The following UTS2B variants were observed in gnomAD, a reference collection of about 807,000 sequenced individuals.
UTS2B encodes the protein urotensin-2B.
In UTS2B, 21 loss-of-function variants were observed where a neutral mutation model predicts 19.2. The observed-to-expected ratio is 1.09, with a 90% CI of 0.78 to 1.58. The LOEUF (loss-of-function observed/expected upper bound fraction) is 1.58, where lower values mean the gene tolerates loss of function less well. Among genes scored for constraint, UTS2B ranks in the 40% most tolerant of loss-of-function variants. The pLI, the probability that UTS2B is intolerant of heterozygous loss-of-function variation, is 0.00. For missense variants in UTS2B, 138 were observed against 130.3 expected (o/e 1.06, Z -0.29); for synonymous variants, 57 against 50.2 (o/e 1.14, Z -0.58).
intron 4 of UTS2B, among the ~76,000 whole-genome samples, chr3:191,288,529 A>G (rs1184758674): frequency 1.3e-5 from 2 of 152,204 alleles, no homozygotes; most frequent in Non-Finnish European, 2.9e-5. Context: ...GGGAAAGGAG[A>G]GTCTTTTCAA....
chr3:191,334,051 G>T (rs957618523), upstream of UTS2B, among the ~76,000 whole-genome samples: 1 of 152,050 alleles, frequency 6.6e-6, no homozygotes, highest in Admixed American at 6.5e-5. Flanking sequence ...TTTTACTTGA[G>T]TAATAATAGG....
chr3:191,273,899 A>G (rs184746244), intron 8 of UTS2B, among the ~76,000 whole-genome samples: 1 of 152,112 alleles, frequency 6.6e-6, no homozygotes, highest in Non-Finnish European at 1.5e-5. Flanking sequence ...TATATCCAGA[A>G]TCAGACCAGC....
chr3:191,345,511 C>T, the UTS2B span, among the ~76,000 whole-genome samples: 1 of 152,188 alleles, frequency 6.6e-6, no homozygotes, highest in Non-Finnish European at 1.5e-5. Flanking sequence ...CAGCCATTTT[C>T]TCTTTCCCAA....
At chr3:191,293,669 C>T (rs1716775551) in intron 4 of UTS2B, among the ~76,000 whole-genome samples, 1 of 152,014 alleles carries the variant, frequency 6.6e-6, no homozygotes, top group African/African-American at 2.4e-5. Flanking sequence ...ACAGACATTT[C>T]ATCCAGAAGG....
intron 3 of UTS2B, among the ~76,000 whole-genome samples, chr3:191,309,551 T>C (rs183101723): frequency 1.3e-5 from 2 of 152,282 alleles, no homozygotes; most frequent in East Asian, 1.9e-4. Context: ...AAGACTGATA[T>C]GGTTTGGATC....
Position 191,319,773 on chromosome 3 carries a change from C to A in UTS2B, c.-585-3334G>T, listed in dbSNP as rs1354907749. 6.7e-5 allele frequency among the ~76,000 whole-genome samples: 10 copies of A among 149,708 alleles called. 1 individual carries two copies. The East Asian group carries it at 2.0e-3, about 29-fold the overall frequency. On this transcript the variant is annotated intron_variant, in intron 2 of 8. Coordinates refer to ENST00000340524, the MANE Select transcript of UTS2B (RefSeq NM_198152.5). ...ATCCTAGCCACTTGGGAGGCTGAGG[C>A]AGGAGACGTGCTTGAACCTGGGAGG...
chr3:191,312,542 A>C (rs1311950252), intron 3 of UTS2B, among the ~76,000 whole-genome samples: 1 of 152,126 alleles, frequency 6.6e-6, no homozygotes, highest in African/African-American at 2.4e-5. Context: ...GCAACTTTGT[A>C]ATTATAAATG....
intron 4 of UTS2B, among the ~76,000 whole-genome samples, chr3:191,294,082 TG>T (rs1716794178): frequency 1.3e-5 from 2 of 151,700 alleles, no homozygotes; most frequent in South Asian, 4.2e-4. Context: ...CACTCCAGCC[TG>T]GGCAACAGGA....
intron 8 of UTS2B, among the ~76,000 whole-genome samples, chr3:191,271,345 C>G (rs1197248248): frequency 6.6e-6 from 1 of 151,938 alleles, no homozygotes; most frequent in Non-Finnish European, 1.5e-5. Context: ...TTCTTCCCTG[C>G]TATATTAACC....
chr3:191,329,151 A>T, intron 1 of UTS2B: 1 of 156,586 alleles, frequency 6.4e-6, no homozygotes, highest in Non-Finnish European at 1.4e-5. Context: ...CAAGGCCCCC[A>T]CCTAAAGACG....
chr3:191,299,388 C>G (rs945444624), intron 4 of UTS2B, among the ~76,000 whole-genome samples: 1 of 152,248 alleles, frequency 6.6e-6, no homozygotes, highest in Non-Finnish European at 1.5e-5. Context: ...TTTGCAGCCT[C>G]TGGACACTGC....
chr3:191,280,831 A>G (rs79722097), intron 5 of UTS2B, among the ~76,000 whole-genome samples: 4,626 of 152,240 alleles, frequency 0.03, 161 homozygotes, highest in East Asian at 0.14. Flanking sequence ...ACATTACGTT[A>G]GAAACATTGG....
chr3:191,295,837 T>C (rs1229130867), intron 4 of UTS2B, among the ~76,000 whole-genome samples: 1 of 152,210 alleles, frequency 6.6e-6, no homozygotes, highest in Non-Finnish European at 1.5e-5. Context: ...GTCTCTTAAA[T>C]ACTTCTCAAA....
intron 8 of UTS2B, among the ~76,000 whole-genome samples, chr3:191,274,261 A>G (rs957036944): frequency 6.6e-6 from 1 of 152,222 alleles, no homozygotes; most frequent in Non-Finnish European, 1.5e-5. Context: ...AAAAAAAGTC[A>G]TATTAATAGC....
chr3:191,311,424 T>A (rs919425242), intron 3 of UTS2B, among the ~76,000 whole-genome samples: 3 of 152,216 alleles, frequency 2.0e-5, no homozygotes. Flanking sequence ...CAGATTGATA[T>A]CTCTTTCTCT....
intron 5 of UTS2B, among the ~76,000 whole-genome samples, chr3:191,280,387 A>T (rs890792860): frequency 4.6e-5 from 7 of 152,126 alleles, no homozygotes; most frequent in Non-Finnish European, 1.0e-4. Context: ...GTTCTAACAC[A>T]CAGAAAAAAG....
intron 4 of UTS2B, among the ~76,000 whole-genome samples, chr3:191,297,826 T>A (rs1219995563): frequency 6.6e-6 from 1 of 152,250 alleles, no homozygotes; most frequent in East Asian, 1.9e-4. Context: ...ACGAACCAAA[T>A]TAATTTTTTA....
intron 2 of UTS2B, among the ~76,000 whole-genome samples, chr3:191,317,567 TTTGTTGTTG>T (rs61650426): frequency 0.22 from 33,892 of 151,370 alleles, 4,112 homozygotes; most frequent in South Asian, 0.3. Context: ...TAGGATAGTC[TTTGTTGTTG>T]TTGTTGTTGT....
intron 3 of UTS2B, among the ~76,000 whole-genome samples, chr3:191,313,193 C>T (rs1299661578): frequency 6.6e-5 from 10 of 152,062 alleles, no homozygotes; most frequent in Non-Finnish European, 1.0e-4. Flanking sequence ...TGAGGTTTCA[C>T]CATATTGGCC....
Sources: allele counts gnomAD v4.1 joint callset (sites outside exome capture counted in the v4.1 genomes callset), GRCh38; gene constraint gnomAD v4.1.1; transcripts MANE v1.5; gene names NCBI Gene and HGNC (gene_info 2026-07-23, HGNC 2026-07-21).